Variants in DRAXIN observed in about 807,000 individuals in gnomAD.
The protein encoded by DRAXIN is dorsal repulsive axon guidance protein.
In DRAXIN, 27 loss-of-function variants were observed where a neutral mutation model predicts 33.9. That is an observed-to-expected ratio of 0.80 (90% CI 0.59 to 1.10). DRAXIN has a LOEUF of 1.10. Ranked by LOEUF, DRAXIN falls within the 50% of genes least tolerant of loss-of-function variation. The pLI is 0.00. For missense variants in DRAXIN, 371 were observed against 460.8 expected (o/e 0.81, Z 1.78); for synonymous variants, 178 against 194.0 (o/e 0.92, Z 0.69).
chr1:11,709,325 T>C lies in DRAXIN; in HGVS notation c.502T>C (p.Ser168Pro). ...CTCCCTGATGAAGAAGGCAGAGCTC[T>C]CCGAAGCCCAGGTGCTGGATGCAGC... is the stretch of plus-strand genomic sequence containing the variant. ...PSSLMKKAEL[S>P]EAQVLDAAME... Residue 168 changes from serine (S) to proline (P), a missense_variant, in exon 3 of 7, where the codon TCC becomes CCC. Coordinates refer to ENST00000294485, the MANE Select transcript of DRAXIN (RefSeq NM_198545.4). The C allele has an allele frequency of 6.2e-7, 1 of 1,613,946 alleles. No homozygotes were observed. The highest frequency in any genetic ancestry group is 1.1e-5 in the South Asian group (1 of 91,012).
chr1:11,688,602 C>T (rs1056880691), upstream of DRAXIN, among the ~76,000 whole-genome samples: 1 of 152,062 alleles, frequency 6.6e-6, no homozygotes, highest in African/African-American at 2.4e-5. This position sits in a 1 kb window ranked among gnomAD's most constrained non-coding sequence, Gnocchi z 4.6. Flanking sequence ...CTGCTAAAAA[C>T]CTAAGTCGGA....
chr1:11,716,428 G>A (rs566671874), intron 6 of DRAXIN, among the ~76,000 whole-genome samples: 4 of 152,318 alleles, frequency 2.6e-5, no homozygotes, highest in East Asian at 3.9e-4. Flanking sequence ...AAACATGAAC[G>A]ATAATTAATC....
rs754118594 is a variant in DRAXIN, at chr1:11,712,374, C to T, written c.792C>T (p.Asn264=). Residue 264 remains asparagine, a synonymous_variant, in exon 5 of 7, where the codon AAC becomes AAT. Coordinates refer to ENST00000294485, the MANE Select transcript of DRAXIN (RefSeq NM_198545.4). ...KHRGKLSSDG[N]ETSPAEGEPC... is the part of the protein sequence containing the mutation. ...GCGGTAAACTCTCCAGTGATGGTAA[C>T]GAAACATCACCAGCCGAAGGGGAAC... The T allele has an allele frequency of 1.6e-5, 26 of 1,613,920 alleles. No homozygotes were observed. The highest frequency in any genetic ancestry group is 6.7e-5 in the East Asian group (3 of 44,894).
chr1:11,715,018 G>A (rs1641553497), intron 5 of DRAXIN, 101 bp from the exon 6 acceptor site: 2 of 1,423,944 alleles, frequency 1.4e-6, no homozygotes, highest in East Asian at 2.3e-5. Flanking sequence ...GGCGCGGCCT[G>A]CCACAGAGAT....
In DRAXIN at chr1:11,706,480, G is replaced by C; in HGVS notation, c.222G>C (p.Gln74His). 3.1e-6 allele frequency: 5 copies of C among 1,611,076 alleles called. No homozygotes were observed. Among genetic ancestry groups the C allele is most frequent in the Non-Finnish European group, 4.2e-6 (5 of 1,178,994 alleles). The part of the protein sequence containing the change: ...KKEWGPGLPS[Q>H]AQDGAVVTAT... ...AGTGGGGCCCAGGCCTGCCCAGCCA[G>C]GCCCAGGATGGGGCTGTGGTCACCG... The change falls in exon 2 of 7, where the codon CAG becomes CAC. Residue 74 changes from glutamine to histidine, a missense_variant. Gln to His is a conservative substitution (Grantham distance 24). Coordinates refer to ENST00000294485, the MANE Select transcript of DRAXIN (RefSeq NM_198545.4). This position sits in a 1 kb window ranked among gnomAD's most constrained non-coding sequence, Gnocchi z 5.5.
upstream of DRAXIN, among the ~76,000 whole-genome samples, chr1:11,687,531 C>T (rs192997003): frequency 1.1e-4 from 17 of 152,226 alleles, no homozygotes; most frequent in East Asian, 7.7e-4. The surrounding 1 kb of genome is among the most constrained non-coding windows in gnomAD (Gnocchi z 4.1). Context: ...TGAGCCACCA[C>T]GCCCAGACTA....
upstream of DRAXIN, chr1:11,691,416 G>C (rs2100725040): frequency 6.6e-6 from 1 of 152,276 alleles, no homozygotes; most frequent in Non-Finnish European, 1.5e-5. Context: ...TACGCACCGG[G>C]AGGAGTGGGC....
intron 1 of DRAXIN, among the ~76,000 whole-genome samples, chr1:11,693,464 G>A (rs1480765774): frequency 6.6e-6 from 1 of 152,158 alleles, no homozygotes; most frequent in Non-Finnish European, 1.5e-5. Flanking sequence ...ACCACTCCAG[G>A]AGTCTGGCAG....
At chr1:11,693,724 C>G (rs72869760) in intron 1 of DRAXIN, among the ~76,000 whole-genome samples, 2 of 152,174 alleles carry the variant, frequency 1.3e-5, no homozygotes, top group South Asian at 2.1e-4. Context: ...ATCTCTACCC[C>G]CTGCCTTCTG....
chr1:11,705,876 C>G lies in DRAXIN; in HGVS notation c.-10-373C>G, dbSNP rs1421080679. 6.6e-6 allele frequency among the ~76,000 whole-genome samples: 1 copy of G among 152,094 alleles called. No individual in the cohort carries two copies. The highest frequency in any genetic ancestry group is 2.4e-5 in the African/African-American group (1 of 41,418). On this transcript the variant is annotated intron_variant, in intron 1 of 6. Coordinates refer to ENST00000294485, the MANE Select transcript of DRAXIN (RefSeq NM_198545.4). This position sits in a 1 kb window ranked among gnomAD's most constrained non-coding sequence, Gnocchi z 4.8. ...GAGGGACTCGGTTCCCTCTAGGGGA[C>G]TTGGTAAGGGGCAGAGGTTTGTGCA...
In DRAXIN at chr1:11,719,916, C is replaced by T. The variant is rs1641636755; in HGVS notation, c.*220C>T. The T allele has an allele frequency of 1.9e-6, 1 of 534,854 alleles. No homozygotes were observed. Among genetic ancestry groups the T allele is most frequent in the Non-Finnish European group, 3.4e-6 (1 of 292,586 alleles). The allele number at this position is 534,854 out of a possible 1,614,324, so 33.1% of individuals were successfully genotyped here. Reference sequence around the variant, plus strand: ...TGCACACACGAAGTCCGGACCCACGCAGCCTCCATCCCGCGTGTCTTGCTC... The same window carrying T: ...TGCACACACGAAGTCCGGACCCACGTAGCCTCCATCCCGCGTGTCTTGCTC... On this transcript the variant is annotated 3_prime_UTR_variant, in exon 7 of 7. Transcript: ENST00000294485.
chr1:11,692,693 C>T lies in DRAXIN; in HGVS notation c.-11+840C>T, dbSNP rs1641097930. Among the ~76,000 whole-genome samples, 1 of 152,100 alleles carries T rather than the reference C, an allele frequency of 6.6e-6. No homozygotes were observed. The highest frequency in any genetic ancestry group is 1.9e-4 in the East Asian group (1 of 5,184). ...CCATCCTCTCCGCCCGGTGGTCTCC[C>T]CTGCCCTATATGCTCCCTCCACGCT... On this transcript the variant is annotated intron_variant, in intron 1 of 6. Transcript: ENST00000294485. The surrounding 1 kb of genome is among the most constrained non-coding windows in gnomAD (Gnocchi z 5.8).
rs114649926 is a variant in DRAXIN, at chr1:11,720,035, A to G, written c.*339A>G. The G allele has an allele frequency of 0.01, 2,836 of 273,722 alleles. 83 individuals are homozygous for G. The highest frequency in any genetic ancestry group is 0.055 in the African/African-American group (2,576 of 47,154). The allele number at this position is 273,722 out of a possible 1,614,324, so 17.0% of individuals were successfully genotyped here. ...AACCAAGAGGCGTTTTTGAGAGTGG[A>G]AAAGAAATTTAAACTTCCCGAAAGA... On this transcript the variant is annotated 3_prime_UTR_variant, in exon 7 of 7. Coordinates refer to ENST00000294485, the MANE Select transcript of DRAXIN (RefSeq NM_198545.4).
chr1:11,709,032 T>A (rs1641433782), intron 2 of DRAXIN, among the ~76,000 whole-genome samples: 1 of 152,218 alleles, frequency 6.6e-6, no homozygotes, highest in South Asian at 2.1e-4. Flanking sequence ...AATGTTGCTT[T>A]ACAGGGAGAA....
At chr1:11,711,724 C>T in intron 3 of DRAXIN, 127 bp from the exon 4 acceptor site, 1 of 809,418 alleles carries the variant, frequency 1.2e-6, no homozygotes, top group Non-Finnish European at 2.0e-6. Context: ...GCTGAGACTC[C>T]AGGCTGCCCA....
Position 11,721,373 on chromosome 1 carries a change from G to A in DRAXIN, c.*1677G>A, listed in dbSNP as rs1383322325. The A allele has an allele frequency of 6.6e-6, 1 of 152,194 alleles. No homozygotes were observed. The highest frequency in any genetic ancestry group is 1.5e-5 in the Non-Finnish European group (1 of 68,060). 9.4% of individuals were successfully genotyped at this position (152,194 alleles called of 1,614,324 possible). A position where few individuals can be genotyped will look rare whatever the true frequency, so the allele number is the denominator to read the frequency against. ...GATCTGGCTTCAGGGGTCACTTCAG[G>A]AGAACCATTTAAATCCCCCCACTTG... is the stretch of plus-strand genomic sequence containing the variant. On this transcript the variant is annotated 3_prime_UTR_variant, in exon 7 of 7. Transcript: ENST00000294485.
rs752456882 is a variant in DRAXIN at position 11,712,389 on chromosome 1, C to T, written c.807C>T (p.Ala269=). The T allele has an allele frequency of 8.1e-6, 13 of 1,613,952 alleles. No individual in the cohort carries two copies. In the Admixed American group the frequency reaches 8.3e-5, roughly 10 times the overall value. Residue 269 remains alanine, a synonymous_variant, in exon 5 of 7, where the codon GCC becomes GCT. Transcript: ENST00000294485. ...LSSDGNETSP[A]EGEPCDHHQD... ...GTGATGGTAACGAAACATCACCAGCCGAAGGGGAACCATGCGACCATCACC... is the reference window on the plus strand; with the variant it reads ...GTGATGGTAACGAAACATCACCAGCTGAAGGGGAACCATGCGACCATCACC...
intron 5 of DRAXIN, among the ~76,000 whole-genome samples, chr1:11,713,230 G>A (rs899973664): frequency 2.0e-5 from 3 of 151,836 alleles, no homozygotes; most frequent in Admixed American, 6.6e-5. Context: ...TCACAACAAC[G>A]CAGTTTTCAA....
At chr1:11,715,280 C>T in intron 6 of DRAXIN, 72 bp downstream of exon 6, 1 of 1,579,354 alleles carries the variant, frequency 6.3e-7, no homozygotes, top group South Asian at 1.1e-5. Flanking sequence ...CTCGAAGCGG[C>T]TTCTGCACCG....
Sources: gnomAD v4.1 joint callset for allele counts (sites outside exome capture counted in the v4.1 genomes callset) on GRCh38, gnomAD v4.1.1 for gene constraint, Gnocchi (gnomAD v3.1) non-coding constraint, MANE v1.5 for transcripts, NCBI Gene and HGNC (gene_info 2026-07-23, HGNC 2026-07-21) for gene names.